The following TDP1 variants were observed in gnomAD, a reference collection of about 807,000 sequenced individuals.
The protein encoded by TDP1 is tyr-DNA phosphodiesterase 1.
A neutral mutation model predicts 81.5 loss-of-function variants in TDP1; 64 were observed. The observed-to-expected ratio is 0.79, with a 90% CI of 0.64 to 0.97. TDP1 has a LOEUF of 0.97. TDP1 is among the 50% of genes least tolerant of loss of function. The pLI is 0.00. For missense variants in TDP1, 723 were observed against 743.8 expected (o/e 0.97, Z 0.33); for synonymous variants, 256 against 264.3 (o/e 0.97, Z 0.30).
chr14:89,990,779 A>T (rs1020301881), intron 12 of TDP1, among the ~76,000 whole-genome samples: 2 of 152,004 alleles, frequency 1.3e-5, no homozygotes, highest in Non-Finnish European at 2.9e-5. Flanking sequence ...GACATGCCCT[A>T]TTTGATATGT....
At chr14:90,001,499 C>A (rs1263622668) in intron 14 of TDP1, among the ~76,000 whole-genome samples, 1 of 152,222 alleles carries the variant, frequency 6.6e-6, no homozygotes, top group East Asian at 1.9e-4. Flanking sequence ...AATTATCATG[C>A]TTCATTTCCT....
chr14:89,966,139 C>T lies in TDP1; in HGVS notation c.560-8C>T. The T allele has an allele frequency of 6.3e-7, 1 of 1,584,550 alleles. No individual in the cohort carries two copies. The highest frequency in any genetic ancestry group is 8.7e-7 in the Non-Finnish European group (1 of 1,153,394). On this transcript the variant is annotated splice_region_variant and splice_polypyrimidine_tract_variant and intron_variant, in intron 3 of 16. Coordinates refer to ENST00000335725, the MANE Select transcript of TDP1 (RefSeq NM_018319.4). The stretch of plus-strand genomic sequence containing the variant: ...AGTGTGAATTTGATATATGTTTTGT[C>T]TTCTCAGATATTTTATCTCCTTTAT...
chr14:90,021,370 CTG>C (rs1459830135), intron 15 of TDP1, among the ~76,000 whole-genome samples: 4 of 152,202 alleles, frequency 2.6e-5, no homozygotes, highest in African/African-American at 9.7e-5. Context: ...TTTATAATAA[CTG>C]TGGCTGGAGT....
chr14:90,035,315 T>C (rs540559474), intron 16 of TDP1, among the ~76,000 whole-genome samples: 18 of 152,364 alleles, frequency 1.2e-4, no homozygotes, highest in South Asian at 2.1e-4. Context: ...ATTCTTTTTC[T>C]CCTTTCTAAA....
Position 90,022,713 on chromosome 14 carries a change from A to G in TDP1, c.1644+3295A>G, listed in dbSNP as rs548991536. On this transcript the variant is annotated intron_variant, in intron 15 of 16. Coordinates refer to ENST00000335725, the MANE Select transcript of TDP1 (RefSeq NM_018319.4). ...TTAAAGTGCTTATATCACAACATCTATGTTGTCTACTGATATGTGAAGCTT... is the reference window on the plus strand; with the variant it reads ...TTAAAGTGCTTATATCACAACATCTGTGTTGTCTACTGATATGTGAAGCTT... The G allele has an allele frequency of 7.1e-6, 7 of 982,876 alleles. No homozygotes were observed. In the Admixed American group the frequency reaches 1.8e-4, roughly 26 times the overall value. The allele number at this position is 982,876 out of a possible 1,614,324, so 60.9% of individuals were successfully genotyped here.
At chr14:90,033,596 CAA>C (rs1162046726) in intron 16 of TDP1, 6 of 273,540 alleles carry the variant, frequency 2.2e-5, no homozygotes, top group South Asian at 1.2e-4. Context: ...CAAAATAAAT[CAA>C]AGACTGTTTT....
intron 14 of TDP1, among the ~76,000 whole-genome samples, chr14:89,998,424 G>GTATGTATGTATA (rs1819519673): frequency 6.4e-5 from 5 of 78,532 alleles, no homozygotes; most frequent in African/African-American, 3.2e-4. Context: ...ATATATATAT[G>GTATGTATGTATA]TATGTATGTA....
At chr14:90,014,250 GT>G (rs1337937671) in intron 14 of TDP1, among the ~76,000 whole-genome samples, 2 of 152,154 alleles carry the variant, frequency 1.3e-5, no homozygotes, top group Non-Finnish European at 2.9e-5. Flanking sequence ...ATGTTCCTGT[GT>G]ATACCTGTAT....
At chr14:89,974,637 ATTGCATGCAGGCCCCCG>A (rs371305243) in intron 6 of TDP1, among the ~76,000 whole-genome samples, 4,671 of 152,256 alleles carry the variant, frequency 0.031, 106 homozygotes, top group African/African-American at 0.066. Flanking sequence ...TAGAGTGCCT[ATTGCATGCAGGCCCCCG>A]TTGCTCAGCA....
chr14:90,038,363 A>C (rs139214653), intron 16 of TDP1, among the ~76,000 whole-genome samples: 1 of 152,324 alleles, frequency 6.6e-6, no homozygotes, highest in East Asian at 1.9e-4. Flanking sequence ...TGGTCTAACC[A>C]TTCTCCCACT....
Position 89,975,830 on chromosome 14 carries a change from T to G in TDP1, c.791+15T>G, listed in dbSNP as rs147732710. 1.4e-4 allele frequency: 229 copies of G among 1,605,950 alleles called. No individual in the cohort carries two copies. Among genetic ancestry groups the G allele is most frequent in the Non-Finnish European group, 1.9e-4 (220 of 1,172,586 alleles). On this transcript the variant is annotated intron_variant, in intron 7 of 16. Transcript: ENST00000335725. ...ACACACCACACGTAAGCACTTTTTG[T>G]GAAATAGGGGAACCCCTCAAGCATT... is the stretch of plus-strand genomic sequence containing the variant.
intron 8 of TDP1, chr14:89,983,130 A>G (rs1337032575): frequency 2.2e-6 from 1 of 456,092 alleles, no homozygotes; most frequent in Admixed American, 2.3e-5. Context: ...CCTGTGAGTG[A>G]ATCTCTGATC....
intron 10 of TDP1, among the ~76,000 whole-genome samples, chr14:89,985,895 C>T (rs572034038): frequency 6.6e-6 from 1 of 152,272 alleles, no homozygotes; most frequent in Non-Finnish European, 1.5e-5. Flanking sequence ...GGCATGATGG[C>T]AGGCACCTGT....
At chr14:90,013,533 TC>T (rs1884967368) in intron 14 of TDP1, among the ~76,000 whole-genome samples, 1 of 152,144 alleles carries the variant, frequency 6.6e-6, no homozygotes, top group African/African-American at 2.4e-5. Context: ...TCGTGAGGCC[TC>T]CCCCGCCATG....
At chr14:89,998,420 A>ATGTATG (rs1555390633) in intron 14 of TDP1, among the ~76,000 whole-genome samples, 9 of 79,244 alleles carry the variant, frequency 1.1e-4, no homozygotes, top group African/African-American at 4.5e-4. Flanking sequence ...ATATATATAT[A>ATGTATG]TATGTATGTA....
chr14:90,012,003 C>T (rs183987488), intron 14 of TDP1, among the ~76,000 whole-genome samples: 1 of 152,338 alleles, frequency 6.6e-6, no homozygotes, highest in Non-Finnish European at 1.5e-5. Flanking sequence ...TGCCTGGAAG[C>T]CTAGGAGGAA....
At chr14:90,017,875 G>A (rs1257609224) in intron 14 of TDP1, among the ~76,000 whole-genome samples, 1 of 152,082 alleles carries the variant, frequency 6.6e-6, no homozygotes, top group Non-Finnish European at 1.5e-5. Context: ...ATGTCTCAAC[G>A]ACGTTATAGA....
chr14:90,029,746 G>T (rs1887070615), intron 15 of TDP1, among the ~76,000 whole-genome samples: 1 of 152,074 alleles, frequency 6.6e-6, no homozygotes, highest in South Asian at 2.1e-4. Context: ...TGATCCACCC[G>T]CCTTGGCCTC....
In TDP1 at chr14:90,042,466, A is replaced by G. The variant is rs146015642; in HGVS notation, c.1754-604A>G. On this transcript the variant is annotated intron_variant, in intron 16 of 16. Coordinates refer to ENST00000335725, the MANE Select transcript of TDP1 (RefSeq NM_018319.4). Reference sequence around the variant, plus strand: ...GACACAGCTAGTAAGTGGCAGCACCAGGATTTGCCCCTGTGTCTCTGCCTG... The same window carrying G: ...GACACAGCTAGTAAGTGGCAGCACCGGGATTTGCCCCTGTGTCTCTGCCTG... 2.0e-5 allele frequency among the ~76,000 whole-genome samples: 3 copies of G among 152,292 alleles called. No homozygotes were observed. The East Asian group carries it at 5.8e-4, about 29-fold the overall frequency.
Sources: gnomAD v4.1 joint callset for allele counts (sites outside exome capture counted in the v4.1 genomes callset) on GRCh38, gnomAD v4.1.1 for gene constraint, MANE v1.5 for transcripts, NCBI Gene and HGNC (gene_info 2026-07-23, HGNC 2026-07-21) for gene names.